DLG2: variants seen among roughly 807,000 people sequenced by gnomAD.
The protein encoded by DLG2 is disks large homolog 2.
In DLG2, 45 loss-of-function variants were observed where a neutral mutation model predicts 132.5. The ratio of observed to expected loss-of-function variants is 0.34; its 90% CI spans 0.27 to 0.44. The LOEUF is 0.44. DLG2 is among the 20% of genes least tolerant of loss of function. The pLI is 1.00. For synonymous variants in DLG2, 424 were observed against 419.6 expected (o/e 1.01, Z -0.13); for missense variants, 1,045 against 1,196.9 (o/e 0.87, Z 1.87).
chr11:84,775,021 C>A (rs891554086), intron 6 of DLG2, among the ~76,000 whole-genome samples: 1 of 152,018 alleles, frequency 6.6e-6, no homozygotes, highest in Non-Finnish European at 1.5e-5. Context: ...AGAAAATATT[C>A]ACAAACTATG....
At chr11:83,654,002 G>A (rs927886400) in intron 18 of DLG2, among the ~76,000 whole-genome samples, 3 of 152,128 alleles carry the variant, frequency 2.0e-5, no homozygotes, top group African/African-American at 4.8e-5. Context: ...TCACAGGCAT[G>A]AGCCACCGCG....
At chr11:84,654,224 A>G (rs1470233608) in intron 6 of DLG2, among the ~76,000 whole-genome samples, 1 of 152,158 alleles carries the variant, frequency 6.6e-6, no homozygotes, top group Non-Finnish European at 1.5e-5. Context: ...GATTTTTGTG[A>G]CACTCACCTC....
chr11:83,511,191 G>A (rs898221201), intron 21 of DLG2, among the ~76,000 whole-genome samples: 1 of 151,844 alleles, frequency 6.6e-6, no homozygotes, highest in Admixed American at 6.6e-5. Flanking sequence ...TGATCACCGG[G>A]TGAGTCTGTT....
intron 19 of DLG2, among the ~76,000 whole-genome samples, chr11:83,553,190 G>A (rs984863693): frequency 6.6e-6 from 1 of 152,122 alleles, no homozygotes; most frequent in Non-Finnish European, 1.5e-5. Flanking sequence ...TTGGTCTCTT[G>A]AAGTTTCCCC....
At chr11:85,091,363 TAGA>T (rs1457892607) in intron 6 of DLG2, among the ~76,000 whole-genome samples, 1 of 152,204 alleles carries the variant, frequency 6.6e-6, no homozygotes, top group Non-Finnish European at 1.5e-5. Flanking sequence ...TTTTTGCTAG[TAGA>T]AGGTCTCACT....
chr11:83,676,565 T>C (rs181860960), intron 18 of DLG2, among the ~76,000 whole-genome samples: 1 of 152,334 alleles, frequency 6.6e-6, no homozygotes, highest in African/African-American at 2.4e-5. Flanking sequence ...CATGAGAGCA[T>C]AGCTTATACT....
At chr11:85,438,678 G>C (rs2153026167) in intron 3 of DLG2, among the ~76,000 whole-genome samples, 1 of 152,150 alleles carries the variant, frequency 6.6e-6, no homozygotes, top group South Asian at 2.1e-4. Flanking sequence ...CCTCATCTTT[G>C]TGTGTGTATG....
intron 3 of DLG2, among the ~76,000 whole-genome samples, chr11:85,414,947 G>A (rs962892172): frequency 6.6e-6 from 1 of 152,018 alleles, no homozygotes; most frequent in African/African-American, 2.4e-5. Flanking sequence ...TGCCATGGGG[G>A]TTTGCTGCAC....
At chr11:84,282,517 C>T (rs887391675) in intron 7 of DLG2, among the ~76,000 whole-genome samples, 1 of 151,986 alleles carries the variant, frequency 6.6e-6, no homozygotes, top group Non-Finnish European at 1.5e-5. Flanking sequence ...CTCAGTGAAG[C>T]TATTTAAATT....
At chr11:83,722,547 A>G (rs183061207) in intron 18 of DLG2, among the ~76,000 whole-genome samples, 376 of 152,180 alleles carry the variant, frequency 2.5e-3, no homozygotes, top group Middle Eastern at 6.8e-3. Flanking sequence ...TTACCTCCTC[A>G]CCTCCAGAGG....
At chr11:83,940,899 A>T (rs1263596875) in intron 14 of DLG2, among the ~76,000 whole-genome samples, 1 of 152,210 alleles carries the variant, frequency 6.6e-6, no homozygotes, top group Non-Finnish European at 1.5e-5. Flanking sequence ...CCTAGAAGAC[A>T]ATCAGTAAAT....
chr11:83,542,359 G>C (rs2096099166), intron 19 of DLG2, among the ~76,000 whole-genome samples: 1 of 152,110 alleles, frequency 6.6e-6, no homozygotes, highest in African/African-American at 2.4e-5. Context: ...TCCACCCATA[G>C]TAGGCGGTGA....
At chr11:84,063,217 G>A (rs2096618933) in intron 10 of DLG2, among the ~76,000 whole-genome samples, 1 of 152,152 alleles carries the variant, frequency 6.6e-6, no homozygotes, top group Non-Finnish European at 1.5e-5. Flanking sequence ...ATACACGTAA[G>A]TCTACAGTAT....
chr11:85,291,855 G>T (rs967353456), intron 3 of DLG2, among the ~76,000 whole-genome samples: 1 of 152,044 alleles, frequency 6.6e-6, no homozygotes, highest in Non-Finnish European at 1.5e-5. Context: ...AAAGTGCTGG[G>T]ATTACAGGCA....
At chr11:85,190,366 TAAG>T (rs1010245406) in intron 4 of DLG2, among the ~76,000 whole-genome samples, 9 of 151,836 alleles carry the variant, frequency 5.9e-5, no homozygotes, top group Admixed American at 3.3e-4. Flanking sequence ...ACAGATGTGT[TAAG>T]AGGAAAGTTT....
intron 6 of DLG2, among the ~76,000 whole-genome samples, chr11:84,752,971 T>C (rs891984346): frequency 6.6e-6 from 1 of 152,100 alleles, no homozygotes; most frequent in Admixed American, 6.6e-5. Context: ...TCTATCATTG[T>C]TGGACATTTG....
At chr11:84,423,276 T>C (rs1241698188) in intron 7 of DLG2, among the ~76,000 whole-genome samples, 1 of 152,158 alleles carries the variant, frequency 6.6e-6, no homozygotes, top group Non-Finnish European at 1.5e-5. Flanking sequence ...TTATATTTTA[T>C]CGCAATAAAA....
chr11:83,596,592 T>C (rs1436646218), intron 19 of DLG2, among the ~76,000 whole-genome samples: 2 of 152,188 alleles, frequency 1.3e-5, no homozygotes, highest in South Asian at 2.1e-4. Context: ...ATCACCAATA[T>C]GTCTACATCA....
chr11:84,709,235 A>T (rs955158577), intron 6 of DLG2, among the ~76,000 whole-genome samples: 56 of 152,076 alleles, frequency 3.7e-4, no homozygotes, highest in African/African-American at 1.3e-3. Context: ...TACTCAGCGA[A>T]GGAAGATTGA....
Sources: gnomAD v4.1 joint callset for allele counts (sites outside exome capture counted in the v4.1 genomes callset) on GRCh38, gnomAD v4.1.1 for gene constraint, MANE v1.5 for transcripts, NCBI Gene and HGNC (gene_info 2026-07-23, HGNC 2026-07-21) for gene names.